The following RCOR1 variants were observed in gnomAD, a reference collection of about 807,000 sequenced individuals.
RCOR1 encodes the protein REST corepressor.
A neutral mutation model predicts 64.0 loss-of-function variants in RCOR1; 12 were observed. The ratio of observed to expected loss-of-function variants is 0.19; its 90% CI spans 0.12 to 0.30. The LOEUF is 0.30. Among genes scored for constraint, RCOR1 ranks in the 10% least tolerant of loss-of-function variants. The pLI, the probability that RCOR1 is intolerant of heterozygous loss-of-function variation, is 1.00. For synonymous variants in RCOR1, 279 were observed against 227.2 expected (o/e 1.23, Z -2.05); for missense variants, 502 against 621.2 (o/e 0.81, Z 2.04).
chr14:102,694,714 G>A (rs1895609785), intron 3 of RCOR1, among the ~76,000 whole-genome samples: 1 of 152,186 alleles, frequency 6.6e-6, no homozygotes, highest in South Asian at 2.1e-4. Flanking sequence ...GATGTTTACT[G>A]TAGTAATGTC....
chr14:102,709,499 T>G (rs984582042), intron 6 of RCOR1, among the ~76,000 whole-genome samples: 1 of 152,228 alleles, frequency 6.6e-6, no homozygotes, highest in Non-Finnish European at 1.5e-5. Context: ...CATCTCAGGA[T>G]GGAATTTTAT....
rs150412573 is a variant in RCOR1 at position 102,697,901 on chromosome 14, A to G, written c.446-3377A>G. On this transcript the variant is annotated intron_variant, in intron 3 of 11. Coordinates refer to ENST00000262241, the MANE Select transcript of RCOR1 (RefSeq NM_015156.4). ...GTGCCCAGCTGATTTTTGTATTTTT[A>G]GTAGAGATGGGGTTTCACCATGTTG... is the stretch of plus-strand genomic sequence containing the variant. Among the ~76,000 whole-genome samples the G allele has an allele frequency of 4.7e-3, 722 of 152,104 alleles. 4 individuals are homozygous for G. Among genetic ancestry groups the G allele is most frequent in the African/African-American group, 0.017 (699 of 41,478 alleles).
chr14:102,593,153 A>G lies in RCOR1; in HGVS notation c.267A>G (p.Glu89=). ...ACAGCAGCAGCAACTCCTGGGAGGA[A>G]GGCAGCTCGGGCTCGTCCAGCGACG... ...NGNSSSNSWE[E]GSSGSSSDEE... The change falls in exon 1 of 12, where the codon GAA becomes GAG. Residue 89 remains glutamate (E), a synonymous_variant. Transcript: ENST00000262241. 6.5e-7 allele frequency: 1 copy of G among 1,530,328 alleles called. No homozygotes were observed. The highest frequency in any genetic ancestry group is 8.7e-7 in the Non-Finnish European group (1 of 1,144,098). 94.8% of individuals were successfully genotyped at this position (1,530,328 alleles called of 1,614,324 possible).
chr14:102,677,527 T>G (rs1595225792), intron 2 of RCOR1, among the ~76,000 whole-genome samples: 4 of 108,896 alleles, frequency 3.7e-5, no homozygotes, highest in Admixed American at 8.6e-5. Context: ...CAGACAGGGT[T>G]GCGGCCCAGC....
intron 2 of RCOR1, among the ~76,000 whole-genome samples, chr14:102,652,025 GT>G (rs1894602336): frequency 6.6e-6 from 1 of 152,136 alleles, no homozygotes; most frequent in South Asian, 2.1e-4. Context: ...TGCTAGGAAT[GT>G]TTTATTTTTG....
intron 2 of RCOR1, among the ~76,000 whole-genome samples, chr14:102,645,676 T>G (rs1894463424): frequency 6.6e-6 from 1 of 152,206 alleles, no homozygotes; most frequent in African/African-American, 2.4e-5. Context: ...ATCTGTTCCT[T>G]AGTCTTGCTG....
rs891379186 is a variant in RCOR1, at chr14:102,730,334, G to T, written c.*3828G>T. On this transcript the variant is annotated 3_prime_UTR_variant, in exon 12 of 12. Coordinates refer to ENST00000262241, the MANE Select transcript of RCOR1 (RefSeq NM_015156.4). ...GTTGGAATTTTAAAGAAAATATGTT[G>T]TAATAATGCTGTTGTAAGTAATATT... The T allele has an allele frequency of 4.1e-6, 1 of 243,258 alleles. No homozygotes were observed. The highest frequency in any genetic ancestry group is 1.8e-4 in the South Asian group (1 of 5,600). The allele number at this position is 243,258 out of a possible 1,614,324, so 15.1% of individuals were successfully genotyped here.
chr14:102,633,733 T>C (rs1894174783), intron 2 of RCOR1, among the ~76,000 whole-genome samples: 1 of 152,020 alleles, frequency 6.6e-6, no homozygotes, highest in South Asian at 2.1e-4. Context: ...GAGACAGGGT[T>C]TCACCATGTT....
chr14:102,656,049 T>C (rs1894717239), intron 2 of RCOR1: 1 of 985,232 alleles, frequency 1.0e-6, no homozygotes, highest in African/African-American at 1.7e-5. Flanking sequence ...TAAGCTTGTG[T>C]AAGTTGTAAT....
At chr14:102,669,353 A>T (rs886643443) in intron 2 of RCOR1, among the ~76,000 whole-genome samples, 1 of 152,002 alleles carries the variant, frequency 6.6e-6, no homozygotes, top group Non-Finnish European at 1.5e-5. Flanking sequence ...GTATTGAAAT[A>T]CCAAAGTTGC....
At position 102,722,173 on chromosome 14, in the gene RCOR1, T is replaced by C. The variant is rs563576611; in HGVS notation, c.1190-14T>C. ...TTCTCTTGTATTTTAAAAAATGCTT[T>C]CTTACATCCTTAGCCATCAGGAAAT... On this transcript the variant is annotated splice_polypyrimidine_tract_variant and intron_variant, in intron 10 of 11. Transcript: ENST00000262241. The C allele has an allele frequency of 3.8e-5, 60 of 1,598,238 alleles. 1 individual carries two copies. In the South Asian group the frequency reaches 6.6e-4, roughly 18 times the overall value.
At chr14:102,612,958 CAAAAAAAAAA>C (rs34850806) in intron 2 of RCOR1, among the ~76,000 whole-genome samples, 1 of 63,634 alleles carries the variant, frequency 1.6e-5, no homozygotes, top group Non-Finnish European at 3.4e-5. Context: ...TATCTCTTAG[CAAAAAAAAAA>C]AAAAAGAAAA....
rs1045272325 is a variant in RCOR1, at chr14:102,625,155, G to A, written c.361+31830G>A. On this transcript the variant is annotated intron_variant, in intron 2 of 11. Coordinates refer to ENST00000262241, the MANE Select transcript of RCOR1 (RefSeq NM_015156.4). ...CTCCCAAAGTGTTGGGATTACGGGCGTGAACCACTGTGCCTGGCCTGAAGT... is the reference window on the plus strand; with the variant it reads ...CTCCCAAAGTGTTGGGATTACGGGCATGAACCACTGTGCCTGGCCTGAAGT... Among the ~76,000 whole-genome samples the A allele has an allele frequency of 1.4e-4, 21 of 149,598 alleles. 1 individual carries two copies. Among genetic ancestry groups the A allele is most frequent in the African/African-American group, 4.9e-4 (20 of 40,610 alleles).
chr14:102,723,443 G>A (rs1346214531), intron 11 of RCOR1, among the ~76,000 whole-genome samples: 2 of 152,178 alleles, frequency 1.3e-5, no homozygotes. Context: ...ACAGCCATCT[G>A]TAAGAACACC....
At chr14:102,713,058 A>G (rs1473978851) in intron 7 of RCOR1, among the ~76,000 whole-genome samples, 1 of 133,786 alleles carries the variant, frequency 7.5e-6, no homozygotes, top group Non-Finnish European at 1.6e-5. Flanking sequence ...AGGTTCAAGC[A>G]GTTCTCTGCT....
In RCOR1 at chr14:102,688,091, C is replaced by T. The variant is rs145854736; in HGVS notation, c.445+6113C>T. Among the ~76,000 whole-genome samples, 151 of 151,762 alleles carry T rather than the reference C, an allele frequency of 9.9e-4. 1 individual carries two copies. Among genetic ancestry groups the T allele is most frequent in the African/African-American group, 3.5e-3 (144 of 41,362 alleles). On this transcript the variant is annotated intron_variant, in intron 3 of 11. Coordinates refer to ENST00000262241, the MANE Select transcript of RCOR1 (RefSeq NM_015156.4). ...AAGCAGTTCTCCTGCTTCAGCCCTGCGAGTAGCTGGGATTACATGCGTGTG... is the reference window on the plus strand; with the variant it reads ...AAGCAGTTCTCCTGCTTCAGCCCTGTGAGTAGCTGGGATTACATGCGTGTG...
intron 2 of RCOR1, among the ~76,000 whole-genome samples, chr14:102,645,235 G>C (rs934271736): frequency 6.6e-6 from 1 of 152,076 alleles, no homozygotes; most frequent in African/African-American, 2.4e-5. Context: ...TCCTTAGAAG[G>C]CTCTTGGTCT....
At chr14:102,721,563 A>AAT (rs1555361711) in intron 10 of RCOR1, 186 bp downstream of exon 10, 55 of 333,900 alleles carry the variant, frequency 1.6e-4, no homozygotes, top group East Asian at 2.4e-4. Context: ...AAAAAAAAAA[A>AAT]TTTTTTTTTT....
intron 2 of RCOR1, chr14:102,655,585 T>C: frequency 2.9e-6 from 2 of 690,740 alleles, no homozygotes; most frequent in Non-Finnish European, 3.6e-6. Flanking sequence ...TGGCACATAA[T>C]AGGTGATCAA....
Sources: allele counts gnomAD v4.1 joint callset (sites outside exome capture counted in the v4.1 genomes callset), GRCh38; gene constraint gnomAD v4.1.1; transcripts MANE v1.5; gene names NCBI Gene and HGNC (gene_info 2026-07-23, HGNC 2026-07-21).